Variants in SRBD1 observed in about 807,000 individuals in gnomAD.
The protein encoded by SRBD1 is S1 RNA binding domain 1.
SRBD1 carries 88 observed loss-of-function variants against 115.3 expected under a neutral mutation model. The observed-to-expected ratio is 0.76, with a 90% CI of 0.64 to 0.91. The LOEUF (loss-of-function observed/expected upper bound fraction) is 0.91. SRBD1 is among the 40% of genes least tolerant of loss of function. The pLI is 0.00. For synonymous variants in SRBD1, 509 were observed against 407.7 expected (o/e 1.25, Z -2.99); for missense variants, 1,385 against 1,177.4 (o/e 1.18, Z -2.58).
chr2:45,424,034 T>C (rs1314544575), intron 16 of SRBD1, among the ~76,000 whole-genome samples: 1 of 152,128 alleles, frequency 6.6e-6, no homozygotes, highest in Non-Finnish European at 1.5e-5. Context: ...CAGCGTATAG[T>C]TCCAAATAAC....
intron 19 of SRBD1, 79 bp downstream of exon 19, chr2:45,413,035 A>G (rs1478430094): frequency 6.7e-7 from 1 of 1,483,572 alleles, no homozygotes; most frequent in African/African-American, 1.4e-5. Context: ...TTCAGTTTCC[A>G]TTATGCCAAA....
rs149828795 is a variant in SRBD1, at chr2:45,572,427, T to C, written c.1305+780A>G. Among the ~76,000 whole-genome samples the C allele has an allele frequency of 3.7e-3, 558 of 152,278 alleles. 10 individuals carry two copies. Among genetic ancestry groups the C allele is most frequent in the African/African-American group, 0.013 (533 of 41,588 alleles). ...GTATGCTTAAAAATGGTTATGATGG[T>C]ACATTTTATGTTATGTTCATCTTAC... On this transcript the variant is annotated intron_variant, in intron 9 of 20. Coordinates refer to ENST00000263736, the MANE Select transcript of SRBD1 (RefSeq NM_018079.5).
intron 16 of SRBD1, among the ~76,000 whole-genome samples, chr2:45,442,427 C>T (rs995900418): frequency 2.6e-5 from 4 of 152,190 alleles, no homozygotes; most frequent in Non-Finnish European, 4.4e-5. Flanking sequence ...CAATATCTCC[C>T]GTTCTGGGAG....
At chr2:45,604,195 C>G (rs927488200) in intron 2 of SRBD1, among the ~76,000 whole-genome samples, 1 of 151,924 alleles carries the variant, frequency 6.6e-6, no homozygotes, top group Non-Finnish European at 1.5e-5. Context: ...ACCAAGAAAC[C>G]AGAATATTTT....
intron 14 of SRBD1, among the ~76,000 whole-genome samples, chr2:45,537,692 C>A (rs1224039156): frequency 2.0e-5 from 3 of 152,098 alleles, no homozygotes; most frequent in Non-Finnish European, 4.4e-5. Context: ...GGATGCTATG[C>A]CATTTTTCCT....
At chr2:45,466,609 C>A (rs13413294) in intron 16 of SRBD1, among the ~76,000 whole-genome samples, 18,407 of 152,110 alleles carry the variant, frequency 0.12, 1,983 homozygotes, top group African/African-American at 0.29. Context: ...TAAATGAGTA[C>A]GTTCACTTTA....
chr2:45,580,374 C>G (rs1453954189), intron 6 of SRBD1, among the ~76,000 whole-genome samples: 4 of 151,960 alleles, frequency 2.6e-5, no homozygotes, highest in African/African-American at 7.3e-5. Context: ...GAGATGGACT[C>G]TCGCTCTTTC....
At chr2:45,569,346 C>T (rs1299518325) in intron 9 of SRBD1, 1 of 152,198 alleles carries the variant, frequency 6.6e-6, no homozygotes, top group East Asian at 1.9e-4. Context: ...TCTCCCGTTC[C>T]TGTGGGGTCA....
intron 14 of SRBD1, chr2:45,546,036 A>G (rs1489862425): frequency 4.9e-5 from 23 of 469,358 alleles, no homozygotes. Flanking sequence ...ATCAGCCATT[A>G]TAACTACTCT....
intron 14 of SRBD1, among the ~76,000 whole-genome samples, chr2:45,518,492 G>C (rs1254892778): frequency 6.6e-6 from 1 of 152,164 alleles, no homozygotes; most frequent in African/African-American, 2.4e-5. Flanking sequence ...GAGAGAAAAA[G>C]AATTTAGAGG....
chr2:45,436,914 C>T (rs968959125), intron 16 of SRBD1, among the ~76,000 whole-genome samples: 1 of 152,148 alleles, frequency 6.6e-6, no homozygotes, highest in Non-Finnish European at 1.5e-5. Flanking sequence ...TACGTGATCA[C>T]AGCAAGGTTG....
chr2:45,562,521 C>G, intron 10 of SRBD1, 132 bp downstream of exon 10: 1 of 624,758 alleles, frequency 1.6e-6, no homozygotes, highest in Non-Finnish European at 2.5e-6. Flanking sequence ...CGTGAGCCAC[C>G]GCGCCCGGCC....
At chr2:45,390,014 G>C (rs776012471) in intron 20 of SRBD1, among the ~76,000 whole-genome samples, 1 of 152,134 alleles carries the variant, frequency 6.6e-6, no homozygotes, top group Non-Finnish European at 1.5e-5. Flanking sequence ...CCAGTGCCTG[G>C]ATTATTAAAT....
chr2:45,481,058 A>T (rs1159103785), intron 15 of SRBD1, among the ~76,000 whole-genome samples: 1 of 152,210 alleles, frequency 6.6e-6, no homozygotes, highest in African/African-American at 2.4e-5. Context: ...ACTCTCCACC[A>T]GCAAAAAGAC....
intron 16 of SRBD1, among the ~76,000 whole-genome samples, chr2:45,437,663 G>C (rs1014487263): frequency 6.6e-6 from 1 of 152,180 alleles, no homozygotes; most frequent in Non-Finnish European, 1.5e-5. Flanking sequence ...AGGAGGCGGA[G>C]GTTGCAGTGA....
intron 4 of SRBD1, among the ~76,000 whole-genome samples, chr2:45,589,043 C>G (rs183883830): frequency 6.6e-6 from 1 of 152,328 alleles, no homozygotes; most frequent in Admixed American, 6.5e-5. Context: ...CCTCCCCCCT[C>G]AAGCTCTGTT....
At chr2:45,515,426 T>C (rs891459913) in intron 14 of SRBD1, among the ~76,000 whole-genome samples, 2 of 152,200 alleles carry the variant, frequency 1.3e-5, no homozygotes. Context: ...TTGTGAGCTA[T>C]ATACTATATT....
chr2:45,584,340 C>G (rs1270977128), intron 5 of SRBD1, among the ~76,000 whole-genome samples: 1 of 152,214 alleles, frequency 6.6e-6, no homozygotes, highest in Non-Finnish European at 1.5e-5. Flanking sequence ...TTATCCTAGC[C>G]TGGCTCTGGA....
intron 14 of SRBD1, among the ~76,000 whole-genome samples, chr2:45,508,437 T>G (rs950119022): frequency 6.6e-6 from 1 of 152,178 alleles, no homozygotes; most frequent in African/African-American, 2.4e-5. Flanking sequence ...GCATAAAGCC[T>G]CCATTCCAAA....
Sources: allele counts gnomAD v4.1 joint callset (sites outside exome capture counted in the v4.1 genomes callset), GRCh38; gene constraint gnomAD v4.1.1; transcripts MANE v1.5; gene names NCBI Gene and HGNC (gene_info 2026-07-23, HGNC 2026-07-21).